The following RORA variants were observed in gnomAD, a reference collection of about 807,000 sequenced individuals.
RORA encodes the protein RAR related orphan receptor A, also known as nuclear receptor ROR-alpha.
In RORA, 7 loss-of-function variants were observed where a neutral mutation model predicts 69.5. That is an observed-to-expected ratio of 0.10 (90% CI 0.06 to 0.19). The LOEUF (loss-of-function observed/expected upper bound fraction) is 0.19, where lower values mean the gene tolerates loss of function less well. RORA is among the 10% of genes least tolerant of loss of function. The pLI, the probability that RORA is intolerant of heterozygous loss-of-function variation, is 1.00. For synonymous variants in RORA, 261 were observed against 240.8 expected, an observed-to-expected ratio of 1.08 and a Z score of -0.78; for missense variants, 457 against 663.0, an observed-to-expected ratio of 0.69 and a Z score of 3.41.
chr15:60,827,002 A>G (rs1376393537), intron 1 of RORA, among the ~76,000 whole-genome samples: 1 of 152,204 alleles, frequency 6.6e-6, no homozygotes, highest in Non-Finnish European at 1.5e-5. Flanking sequence ...ATGTGAGTAT[A>G]ATATCAAGTT....
rs1162651433 is a variant in RORA, at chr15:60,488,504, TA to T, written c.*8950del. 6 of 152,082 alleles carry T rather than the reference TA, an allele frequency of 3.9e-5. No homozygotes were observed. Among genetic ancestry groups the T allele is most frequent in the South Asian group, 2.1e-4 (1 of 4,828 alleles). 9.4% of individuals were successfully genotyped at this position (152,082 alleles called of 1,614,324 possible). On this transcript the variant is annotated 3_prime_UTR_variant, in exon 11 of 11. Transcript: ENST00000335670. ...CTTGTATTTACAAAATGAATCAAAA[TA>T]TTTTTTTTTTAAATTCAGGACTCAA...
chr15:60,876,731 T>G (rs565850581), intron 1 of RORA, among the ~76,000 whole-genome samples: 1 of 152,200 alleles, frequency 6.6e-6, no homozygotes, highest in Non-Finnish European at 1.5e-5. Flanking sequence ...TTAATACAGG[T>G]GTATGGGACA....
intron 1 of RORA, among the ~76,000 whole-genome samples, chr15:60,819,229 C>T (rs535206320): frequency 5.9e-5 from 9 of 152,286 alleles, no homozygotes; most frequent in East Asian, 1.9e-4. Context: ...ATGAAGATTC[C>T]GTTAACTAAT....
Position 60,531,929 on chromosome 15 carries a change from T to C in RORA, c.197-78A>G. The C allele has an allele frequency of 2.5e-6, 2 of 811,044 alleles. 1 individual carries two copies. Among genetic ancestry groups the C allele is most frequent in the East Asian group, 5.4e-5 (2 of 37,116 alleles). 50.2% of individuals were successfully genotyped at this position (811,044 alleles called of 1,614,324 possible). A position where few individuals can be genotyped will look rare whatever the true frequency, so the allele number is the denominator to read the frequency against. Reference sequence around the variant, plus strand: ...AAAAGCGTTCCCTGATCAGCATTTGTATAGTGAAAACTAATAACCTGCTAA... The same window carrying C: ...AAAAGCGTTCCCTGATCAGCATTTGCATAGTGAAAACTAATAACCTGCTAA... On this transcript the variant is annotated intron_variant, in intron 2 of 10. Transcript: ENST00000335670. The surrounding 1 kb of genome is among the most constrained non-coding windows in gnomAD (Gnocchi z 4.8).
At chr15:60,711,908 A>G (rs934785759) in intron 1 of RORA, among the ~76,000 whole-genome samples, 4 of 152,206 alleles carry the variant, frequency 2.6e-5, no homozygotes, top group African/African-American at 9.6e-5. Context: ...TAGCCTTCCC[A>G]CAGTCACCCT....
At position 61,057,179 on chromosome 15, in the gene RORA, G is replaced by C. The variant is rs549426171; in HGVS notation, c.166+171874C>G. 2.3e-3 allele frequency among the ~76,000 whole-genome samples: 346 copies of C among 152,336 alleles called. 2 individuals are homozygous for C. The highest frequency in any genetic ancestry group is 8.1e-3 in the African/African-American group (335 of 41,572). ...GAAGGGAGAGAGAGGAAGGGAGAGA[G>C]AGGAAGCCTGGGCAAGCTCTTGGAA... On this transcript the variant is annotated intron_variant, in intron 1 of 10. Coordinates refer to ENST00000335670, the MANE Select transcript of RORA (RefSeq NM_134261.3).
intron 1 of RORA, among the ~76,000 whole-genome samples, chr15:61,174,446 T>C (rs901251747): frequency 6.6e-6 from 1 of 152,314 alleles, no homozygotes; most frequent in South Asian, 2.1e-4. Context: ...CAACCGCAAG[T>C]AGCCACTGTT....
At chr15:60,988,800 A>G (rs2140367633) in intron 1 of RORA, among the ~76,000 whole-genome samples, 1 of 152,310 alleles carries the variant, frequency 6.6e-6, no homozygotes, top group East Asian at 1.9e-4. Context: ...TATCTACTCC[A>G]GGTGCACAGA....
chr15:60,937,961 C>T (rs1892576026), intron 1 of RORA, among the ~76,000 whole-genome samples: 1 of 152,110 alleles, frequency 6.6e-6, no homozygotes, highest in South Asian at 2.1e-4. Flanking sequence ...TGCCAGGAAC[C>T]TCATGAGGTG....
At chr15:60,926,467 A>G (rs1178248942) in intron 1 of RORA, among the ~76,000 whole-genome samples, 1 of 152,106 alleles carries the variant, frequency 6.6e-6, no homozygotes, top group Non-Finnish European at 1.5e-5. Context: ...CTCAACCCCA[A>G]CCTTGGGTGC....
intron 2 of RORA, among the ~76,000 whole-genome samples, chr15:60,560,524 C>T (rs1157461781): frequency 1.3e-5 from 2 of 151,836 alleles, no homozygotes; most frequent in African/African-American, 2.4e-5. Flanking sequence ...TGAGACCCTG[C>T]CTCAAAAAAA....
chr15:60,707,489 G>A (rs867246080), intron 1 of RORA, among the ~76,000 whole-genome samples: 31 of 151,618 alleles, frequency 2.0e-4, no homozygotes, highest in African/African-American at 6.5e-4. Context: ...TCAGCCTCCC[G>A]AGTAGCTGGG....
chr15:61,204,940 C>T (rs1226695723), intron 1 of RORA, among the ~76,000 whole-genome samples: 3 of 152,206 alleles, frequency 2.0e-5, no homozygotes, highest in East Asian at 1.9e-4. Flanking sequence ...CAGCTCCAGC[C>T]GAACATTCTG....
chr15:61,120,437 C>T (rs906327308), intron 1 of RORA, among the ~76,000 whole-genome samples: 2 of 152,152 alleles, frequency 1.3e-5, no homozygotes, highest in South Asian at 4.2e-4. Context: ...CGGTGGCTCA[C>T]GCCTGTAATC....
At chr15:60,739,628 G>A (rs948256123) in intron 1 of RORA, among the ~76,000 whole-genome samples, 2 of 151,756 alleles carry the variant, frequency 1.3e-5, no homozygotes, top group African/African-American at 4.8e-5. Flanking sequence ...GGAAGATTTT[G>A]TGTGGACCAA....
intron 1 of RORA, among the ~76,000 whole-genome samples, chr15:60,923,711 A>T (rs892161883): frequency 3.3e-5 from 5 of 152,258 alleles, no homozygotes; most frequent in African/African-American, 1.2e-4. Context: ...GCTCCACAGC[A>T]ACAAAACTTT....
At chr15:60,800,421 T>A (rs1023760945) in intron 1 of RORA, among the ~76,000 whole-genome samples, 2 of 152,128 alleles carry the variant, frequency 1.3e-5, no homozygotes, top group Non-Finnish European at 2.9e-5. Flanking sequence ...AAAACAAAAT[T>A]TCGTTTTGGT....
chr15:60,851,775 A>G (rs1251010236), intron 1 of RORA, among the ~76,000 whole-genome samples: 2 of 148,798 alleles, frequency 1.3e-5, no homozygotes, highest in Non-Finnish European at 1.5e-5. Flanking sequence ...AGAGAGAGAG[A>G]GATTTTTTTT....
At chr15:61,057,082 C>T (rs1475331408) in intron 1 of RORA, among the ~76,000 whole-genome samples, 1 of 152,160 alleles carries the variant, frequency 6.6e-6, no homozygotes, top group Non-Finnish European at 1.5e-5. Context: ...ACCTCAAAGG[C>T]GCCTGCCTTC....
Sources: allele counts gnomAD v4.1 joint callset (sites outside exome capture counted in the v4.1 genomes callset), GRCh38; gene constraint gnomAD v4.1.1; non-coding constraint Gnocchi (gnomAD v3.1); transcripts MANE v1.5; gene names NCBI Gene and HGNC (gene_info 2026-07-23, HGNC 2026-07-21).